OR56A5: variants seen among roughly 807,000 people sequenced by gnomAD.
OR56A5 encodes the protein olfactory receptor 56A5.
Under a neutral mutation model 13.8 loss-of-function variants are expected in OR56A5, and 10 were observed. The ratio of observed to expected loss-of-function variants is 0.73; its 90% CI spans 0.45 to 1.23. The LOEUF (loss-of-function observed/expected upper bound fraction) is 1.23. OR56A5 is among the 50% of genes most tolerant of loss of function. The probability of loss-of-function intolerance (pLI) is 0.00; values close to 1 mark genes in which losing one functional copy is unlikely to be tolerated. For missense variants in OR56A5, 377 were observed against 370.9 expected, an observed-to-expected ratio of 1.02 and a Z score of -0.13; for synonymous variants, 156 against 150.8, an observed-to-expected ratio of 1.03 and a Z score of -0.25.
rs1848008909 is a variant in OR56A5, at chr11:5,968,296, T to C, written c.199A>G (p.Ser67Gly). Reference protein sequence around the residue: ...SLHQPLYYLLSLLSLLDIVLC... With the variant: ...SLHQPLYYLLGLLSLLDIVLC... ...ACGATGTCCAGCAGGGAGAGGAGGC[T>C]GAGCAGGTAGTACAGGGGCTGGTGC... is the stretch of plus-strand genomic sequence containing the variant. Residue 67 changes from serine to glycine, a missense_variant, in exon 1 of 1, where the codon AGC (serine) becomes GGC (glycine). Transcript: ENST00000532411. 6.2e-7 allele frequency: 1 copy of C among 1,612,722 alleles called. No individual in the cohort carries two copies.
Position 5,967,927 on chromosome 11 carries a change from GT to G in OR56A5, c.567del (p.Lys189AsnfsTer9), listed in dbSNP as rs757040332. The G allele has an allele frequency of 8.8e-6, 14 of 1,595,302 alleles. No individual in the cohort carries two copies. Among genetic ancestry groups the G allele is most frequent in the Non-Finnish European group, 1.2e-5 (14 of 1,169,748 alleles). ...TTCAAGGTGATGTCATCACAAGAGA[GT>G]TTAGACACAGACACGTTAGTACAGA... Reference protein sequence around the residue: ...NCICTNVSVSKLSCDDITLNQ... With the variant: ...NCICTNVSVSXLSCDDITLNQ... On this transcript the variant is annotated frameshift_variant, in exon 1 of 1. Transcript: ENST00000532411. LOFTEE classifies it high-confidence loss of function.
chr11:5,968,062 C>A lies in OR56A5; in HGVS notation c.433G>T (p.Ala145Ser). ...GCCACAACAAAGATGGCAGCCCTAG[C>A]GACAAATTGATCAGTGATGATGGAT... ...YSSIITDQFV[A>S]RAAIFVVARN... is the part of the protein sequence containing the mutation. Residue 145 changes from alanine to serine, a missense_variant, in exon 1 of 1, where the codon GCT becomes TCT. Coordinates refer to ENST00000532411, the MANE Select transcript of OR56A5 (RefSeq NM_001146033.1). 1 of 1,610,584 alleles carries A rather than the reference C, an allele frequency of 6.2e-7. No homozygotes were observed. The highest frequency in any genetic ancestry group is 8.5e-7 in the Non-Finnish European group (1 of 1,178,090).
Position 5,968,418 on chromosome 11 carries a change from C to T in OR56A5, c.77G>A (p.Trp26Ter). Residue 26 changes from tryptophan to a stop codon, truncating the protein, a stop_gained, in exon 1 of 1, where the codon TGG (tryptophan) becomes TAG (stop). Coordinates refer to ENST00000532411, the MANE Select transcript of OR56A5 (RefSeq NM_001146033.1). LOFTEE classifies it high-confidence loss of function. ...GAGGGGCAGAGACAGCCAGTGCTGC[C>T]AGCTCTGGAAACTGGGGAAACAAAT... ...FLICFPSFQS[W>*]QHWLSLPLSL... 6.2e-7 allele frequency: 1 copy of T among 1,607,706 alleles called. No homozygotes were observed.
In OR56A5 at chr11:5,968,465, G is replaced by A; in HGVS notation, c.30C>T (p.Ser10=). The A allele has an allele frequency of 4.5e-6, 7 of 1,561,678 alleles. No homozygotes were observed. The highest frequency in any genetic ancestry group is 1.2e-5 in the South Asian group (1 of 85,478). Residue 10 remains serine (S), a synonymous_variant, in exon 1 of 1, where the codon TCC becomes TCT. Transcript: ENST00000532411. The part of the protein sequence containing the change: MTLPSNNST[S]PVFEFFLICF... ...AAATGAGGAAGAATTCAAAGACTGG[G>A]GAAGTGGAGTTGTTGCTGGGTAATG...
In OR56A5 at chr11:5,967,618, T is replaced by C; in HGVS notation, c.877A>G (p.Ile293Val). The change falls in exon 1 of 1, where the codon ATT becomes GTT. Residue 293 changes from isoleucine (I) to valine (V), a missense_variant. Physicochemically the swap from Ile to Val is conservative, Grantham distance 29. Transcript: ENST00000532411. ...HHLIPPALNP[I>V]VYGVRTKEIK... ...TCCTTGGTTCTCACACCATAAACAA[T>C]GGGGTTCAGAGCTGGGGGAATAAGG... The C allele has an allele frequency of 6.2e-7, 1 of 1,613,846 alleles. No homozygotes were observed. The highest frequency in any genetic ancestry group is 8.5e-7 in the Non-Finnish European group (1 of 1,179,900).
chr11:5,967,687 T>G lies in OR56A5; in HGVS notation c.808A>C (p.Arg270=). ...VLVITNLARK[R]IPPDVPILLN... is the part of the protein sequence containing the mutation. ...AGGATGGGGACATCCGGAGGAATTC[T>G]CTTCCTGGCCAGGTTAGTGATGACC... Residue 270 remains arginine, a synonymous_variant, in exon 1 of 1, where the codon AGA becomes CGA. Transcript: ENST00000532411. 1 of 1,613,834 alleles carries G rather than the reference T, an allele frequency of 6.2e-7. No homozygotes were observed. The highest frequency in any genetic ancestry group is 8.5e-7 in the Non-Finnish European group (1 of 1,179,918).
chr11:5,967,734 A>T lies in OR56A5; in HGVS notation c.761T>A (p.Phe254Tyr). 6.2e-7 allele frequency: 1 copy of T among 1,611,220 alleles called. No homozygotes were observed. The highest frequency in any genetic ancestry group is 8.5e-7 in the Non-Finnish European group (1 of 1,178,628). The change falls in exon 1 of 1, where the codon TTC (phenylalanine) becomes TAC (tyrosine). Residue 254 changes from phenylalanine (F) to tyrosine (Y), a missense_variant. Phe to Tyr is a conservative substitution (Grantham distance 22). Transcript: ENST00000532411. ...CGSHFILILF[F>Y]TTVLLVLVIT... ...GACCAGAACCAGCAGGACTGTGGTG[A>T]AGAAGAGGATGAGGATGAAGTGGGA...
rs367849065 is a variant in OR56A5 at position 5,968,357 on chromosome 11, G to A, written c.138C>T (p.Ala46=). 3.8e-5 allele frequency: 61 copies of A among 1,613,908 alleles called. 1 individual carries two copies. In the South Asian group the frequency reaches 5.5e-4, roughly 15 times the overall value. ...LLFLLAMGAN[A]TLLITIYLEA... The stretch of plus-strand genomic sequence containing the variant: ...CCAGATAGATGGTGATCAGAAGGGT[G>A]GCATTGGCCCCCATGGCCAGGAGGA... The change falls in exon 1 of 1, where the codon GCC becomes GCT. Residue 46 remains alanine (A), a synonymous_variant. Coordinates refer to ENST00000532411, the MANE Select transcript of OR56A5 (RefSeq NM_001146033.1).
At position 5,967,797 on chromosome 11, in the gene OR56A5, C is replaced by T. The variant is rs1329544389; in HGVS notation, c.698G>A (p.Gly233Asp). ...FILKTVLRIK[G>D]EGDMAKALGT... is the part of the protein sequence containing the mutation. Reference sequence around the variant, plus strand: ...TAGAGCTTTGGCCATATCTCCCTCACCCTTAATCCTTAGCACAGTTTTCAA... The same window carrying T: ...TAGAGCTTTGGCCATATCTCCCTCATCCTTAATCCTTAGCACAGTTTTCAA... Residue 233 changes from glycine (G) to aspartate (D), a missense_variant, in exon 1 of 1, where the codon GGT (glycine) becomes GAT (aspartate). Gly to Asp is a moderately conservative substitution (Grantham distance 94). Coordinates refer to ENST00000532411, the MANE Select transcript of OR56A5 (RefSeq NM_001146033.1). The T allele has an allele frequency of 2.5e-6, 4 of 1,578,624 alleles. No individual in the cohort carries two copies. The highest frequency in any genetic ancestry group is 1.3e-5 in the African/African-American group (1 of 74,354).
At position 5,967,835 on chromosome 11, in the gene OR56A5, A is replaced by C. The variant is rs1436508685; in HGVS notation, c.660T>G (p.Ser220=). The C allele has an allele frequency of 6.4e-7, 1 of 1,565,284 alleles. No homozygotes were observed. The highest frequency in any genetic ancestry group is 2.3e-5 in the East Asian group (1 of 42,612). ...LGSDLILIVL[S]YFFILKTVLR... ...GCACAGTTTTCAAGATAAAAAAGTA[A>C]GAGAGAACAATAAGGATGAGGTCAG... Residue 220 remains serine (S), a synonymous_variant, in exon 1 of 1, where the codon TCT becomes TCG. Coordinates refer to ENST00000532411, the MANE Select transcript of OR56A5 (RefSeq NM_001146033.1).
At position 5,968,056 on chromosome 11, in the gene OR56A5, C is replaced by T. The variant is rs377735977; in HGVS notation, c.439G>A (p.Ala147Thr). Residue 147 changes from alanine to threonine, a missense_variant, in exon 1 of 1, where the codon GCT (alanine) becomes ACT (threonine). Transcript: ENST00000532411. ...TTCCTGGCCACAACAAAGATGGCAGCCCTAGCGACAAATTGATCAGTGATG... is the reference window on the plus strand; with the variant it reads ...TTCCTGGCCACAACAAAGATGGCAGTCCTAGCGACAAATTGATCAGTGATG... ...SIITDQFVAR[A>T]AIFVVARNGL... The T allele has an allele frequency of 1.2e-6, 2 of 1,608,868 alleles. No individual in the cohort carries two copies. Among genetic ancestry groups the T allele is most frequent in the African/African-American group, 2.7e-5 (2 of 74,952 alleles).
Position 5,968,343 on chromosome 11 carries a change from G to C in OR56A5, c.152C>G (p.Thr51Ser), listed in dbSNP as rs764546805. The C allele has an allele frequency of 6.2e-7, 1 of 1,613,682 alleles. No individual in the cohort carries two copies. The highest frequency in any genetic ancestry group is 1.1e-5 in the South Asian group (1 of 90,968). The change falls in exon 1 of 1, where the codon ACC becomes AGC. Residue 51 changes from threonine (T) to serine (S), a missense_variant. Transcript: ENST00000532411. The stretch of plus-strand genomic sequence containing the variant: ...GTGCAGAGAGGCTTCCAGATAGATG[G>C]TGATCAGAAGGGTGGCATTGGCCCC... ...AMGANATLLI[T>S]IYLEASLHQP...
rs759334315 is a variant in OR56A5, at chr11:5,967,855, G to A, written c.640C>T (p.Leu214Phe). 2 of 1,569,266 alleles carry A rather than the reference G, an allele frequency of 1.3e-6. No individual in the cohort carries two copies. The highest frequency in any genetic ancestry group is 2.3e-5 in the East Asian group (1 of 42,858). The stretch of plus-strand genomic sequence containing the variant: ...AAGTAAGAGAGAACAATAAGGATGA[G>A]GTCAGAGCCCAGCAGGGTCCAACCT... Reference protein sequence around the residue: ...VIGWTLLGSDLILIVLSYFFI... With the variant: ...VIGWTLLGSDFILIVLSYFFI... The change falls in exon 1 of 1, where the codon CTC (leucine) becomes TTC (phenylalanine). Residue 214 changes from leucine (L) to phenylalanine (F), a missense_variant. By Grantham distance (22) the Leu-to-Phe change is conservative. Transcript: ENST00000532411.
In OR56A5 at chr11:5,968,085, G is replaced by GATGA; in HGVS notation, c.406_409dup (p.Ser137PhefsTer6). 6.2e-7 allele frequency: 1 copy of GATGA among 1,613,692 alleles called. No individual in the cohort carries two copies. The highest frequency in any genetic ancestry group is 8.5e-7 in the Non-Finnish European group (1 of 1,179,732). Reference sequence around the variant, plus strand: ...AGCGACAAATTGATCAGTGATGATGGATGAGTACTGTAGGGGCTTGCAGAT... The same window carrying GATGA: ...AGCGACAAATTGATCAGTGATGATGGATGAATGAGTACTGTAGGGGCTTGCAGAT... On this transcript the variant is annotated frameshift_variant, in exon 1 of 1. Coordinates refer to ENST00000532411, the MANE Select transcript of OR56A5 (RefSeq NM_001146033.1). LOFTEE classifies it high-confidence loss of function.
chr11:5,968,201 A>AG lies in OR56A5; in HGVS notation c.293dup (p.Ala99CysfsTer26). On this transcript the variant is annotated frameshift_variant, in exon 1 of 1. Transcript: ENST00000532411. LOFTEE classifies it high-confidence loss of function. The stretch of plus-strand genomic sequence containing the variant: ...TGATGAACACCTGAAGGAAGCAGGC[A>AG]GGGAAGCTGATTGATCTGAGGTCAA... 6.2e-7 allele frequency: 1 copy of AG among 1,614,232 alleles called. No individual in the cohort carries two copies. Among genetic ancestry groups the AG allele is most frequent in the Non-Finnish European group, 8.5e-7 (1 of 1,180,026 alleles).
Position 5,968,368 on chromosome 11 carries a change from C to G in OR56A5, c.127G>C (p.Gly43Arg). ...PLSLLFLLAMGANATLLITIY... is the reference protein window; with the variant it reads ...PLSLLFLLAMRANATLLITIY... The stretch of plus-strand genomic sequence containing the variant: ...GTGATCAGAAGGGTGGCATTGGCCC[C>G]CATGGCCAGGAGGAAGAGGAGGCTG... Residue 43 changes from glycine to arginine, a missense_variant, in exon 1 of 1, where the codon GGG becomes CGG. Physicochemically the swap from Gly to Arg is moderately radical, Grantham distance 125. Coordinates refer to ENST00000532411, the MANE Select transcript of OR56A5 (RefSeq NM_001146033.1). 1.9e-6 allele frequency: 3 copies of G among 1,613,758 alleles called. No individual in the cohort carries two copies. Among genetic ancestry groups the G allele is most frequent in the Non-Finnish European group, 2.5e-6 (3 of 1,179,888 alleles).
chr11:5,968,007 G>A lies in OR56A5; in HGVS notation c.488C>T (p.Pro163Leu). 1 of 1,592,212 alleles carries A rather than the reference G, an allele frequency of 6.3e-7. No individual in the cohort carries two copies. Among genetic ancestry groups the A allele is most frequent in the Non-Finnish European group, 8.6e-7 (1 of 1,168,064 alleles). The change falls in exon 1 of 1, where the codon CCC becomes CTC. Residue 163 changes from proline (P) to leucine (L), a missense_variant. Coordinates refer to ENST00000532411, the MANE Select transcript of OR56A5 (RefSeq NM_001146033.1). ...GTATCTGAGTCGAGAAGAAAGTATG[G>A]GGATAGGCATAGTAAGAAGGCCATT... ...ARNGLLTMPIPILSSRLRYCA... is the reference protein window; with the variant it reads ...ARNGLLTMPILILSSRLRYCA...
At position 5,967,783 on chromosome 11, in the gene OR56A5, C is replaced by T; in HGVS notation, c.712G>A (p.Ala238Thr). ...GAACCACAAGTACCTAGAGCTTTGG[C>T]CATATCTCCCTCACCCTTAATCCTT... ...VLRIKGEGDMAKALGTCGSHF... is the reference protein window; with the variant it reads ...VLRIKGEGDMTKALGTCGSHF... The change falls in exon 1 of 1, where the codon GCC becomes ACC. Residue 238 changes from alanine to threonine, a missense_variant. Coordinates refer to ENST00000532411, the MANE Select transcript of OR56A5 (RefSeq NM_001146033.1). The T allele has an allele frequency of 6.3e-7, 1 of 1,586,702 alleles. No individual in the cohort carries two copies. The highest frequency in any genetic ancestry group is 8.6e-7 in the Non-Finnish European group (1 of 1,165,006).
Position 5,967,711 on chromosome 11 carries a change from C to T in OR56A5, c.784G>A (p.Val262Ile). 1 of 1,613,040 alleles carries T rather than the reference C, an allele frequency of 6.2e-7. No individual in the cohort carries two copies. Residue 262 changes from valine (V) to isoleucine (I), a missense_variant, in exon 1 of 1, where the codon GTC (valine) becomes ATC (isoleucine). Val to Ile is a conservative substitution (Grantham distance 29). Transcript: ENST00000532411. ...LFFTTVLLVL[V>I]ITNLARKRIP... ...CTCTTCCTGGCCAGGTTAGTGATGA[C>T]CAGAACCAGCAGGACTGTGGTGAAG...
Sources: allele counts gnomAD v4.1 joint callset, GRCh38; gene constraint gnomAD v4.1.1; transcripts MANE v1.5; gene names NCBI Gene and HGNC (gene_info 2026-07-23, HGNC 2026-07-21).